Variants in EMID1 observed in about 807,000 individuals in gnomAD.
EMID1 encodes the protein EMI domain-containing protein 1.
Under a neutral mutation model 60.6 loss-of-function variants are expected in EMID1, and 40 were observed. The ratio of observed to expected loss-of-function variants is 0.66; its 90% confidence interval spans 0.51 to 0.86. The LOEUF (loss-of-function observed/expected upper bound fraction) is 0.86. Among genes scored for constraint, EMID1 ranks in the 40% least tolerant of loss-of-function variants. EMID1 has a pLI of 0.00. For missense variants in EMID1, 585 were observed against 597.1 expected, an observed-to-expected ratio of 0.98 and a Z score of 0.21; for synonymous variants, 242 against 231.0, an observed-to-expected ratio of 1.05 and a Z score of -0.43.
At position 29,231,668 on chromosome 22, in the gene EMID1, T is replaced by C; in HGVS notation, c.662T>C (p.Met221Thr). 2 of 1,469,546 alleles carry C rather than the reference T, an allele frequency of 1.4e-6. No individual in the cohort carries two copies. Among genetic ancestry groups the C allele is most frequent in the Non-Finnish European group, 1.8e-6 (2 of 1,106,096 alleles). 91.0% of individuals were successfully genotyped at this position (1,469,546 alleles called of 1,614,324 possible). A position where few individuals can be genotyped will look rare whatever the true frequency, so the allele number is the denominator to read the frequency against. ...GDAGSRGPMG[M>T]RGPPGPQGPP... ...GCCGGCAGTCGGGGCCCAATGGGGA[T>C]GAGAGGCCCACCAGGTGAGTGCCCG... is the stretch of plus-strand genomic sequence containing the variant. The change falls in exon 7 of 15, where the codon ATG becomes ACG. Residue 221 changes from methionine to threonine, a missense_variant. Met to Thr is a moderately conservative substitution (Grantham distance 81). Transcript: ENST00000334018.
At chr22:29,216,049 C>G (rs999579815) in intron 3 of EMID1, among the ~76,000 whole-genome samples, 15 of 152,124 alleles carry the variant, frequency 9.9e-5, no homozygotes, top group African/African-American at 3.6e-4. Context: ...GAAACCGAGG[C>G]TCAGGAAGGG....
chr22:29,215,609 T>G lies in EMID1; in HGVS notation c.298T>G (p.Ser100Ala). 1 of 1,614,028 alleles carries G rather than the reference T, an allele frequency of 6.2e-7. No homozygotes were observed. Among genetic ancestry groups the G allele is most frequent in the Non-Finnish European group, 8.5e-7 (1 of 1,179,940 alleles). The stretch of plus-strand genomic sequence containing the variant: ...TGAGTGGAGGTGCTGCCCTGGGCAC[T>G]CAGGAGTGAGCTGCGAGGAAGGTAG... ...AREWRCCPGH[S>A]GVSCEEVAAS... is the part of the protein sequence containing the mutation. Residue 100 changes from serine (S) to alanine (A), a missense_variant, in exon 3 of 15, where the codon TCA becomes GCA. Transcript: ENST00000334018.
chr22:29,231,252 G>T, intron 6 of EMID1, 112 bp downstream of exon 6: 1 of 1,428,362 alleles, frequency 7.0e-7, no homozygotes, highest in Non-Finnish European at 9.3e-7. Context: ...CCTCTAGTGG[G>T]CCTCAGTCTT....
At chr22:29,210,188 C>G (rs1362067430) in intron 1 of EMID1, among the ~76,000 whole-genome samples, 1 of 151,884 alleles carries the variant, frequency 6.6e-6, no homozygotes, top group Non-Finnish European at 1.5e-5. Context: ...CTCCATGTCT[C>G]CTAAGGAGAG....
intron 13 of EMID1, among the ~76,000 whole-genome samples, chr22:29,248,816 G>A (rs986674483): frequency 1.0e-5 from 1 of 97,988 alleles, no homozygotes; most frequent in Non-Finnish European, 2.4e-5. Flanking sequence ...ACTCCAACCT[G>A]GGCGACAGAG....
intron 13 of EMID1, among the ~76,000 whole-genome samples, chr22:29,253,441 G>T (rs554410237): frequency 1.3e-5 from 2 of 152,254 alleles, no homozygotes; most frequent in South Asian, 4.1e-4. Context: ...AGTTAGCTGG[G>T]TGTGGTGGTG....
At chr22:29,215,398 A>G in intron 2 of EMID1, 129 bp from the exon 3 acceptor site, 2 of 1,258,078 alleles carry the variant, frequency 1.6e-6, no homozygotes, top group South Asian at 1.5e-5. Flanking sequence ...TGCAGGAGAG[A>G]GCCTCCAAAG....
intron 12 of EMID1, among the ~76,000 whole-genome samples, chr22:29,240,746 T>A (rs1310913914): frequency 6.6e-6 from 1 of 152,260 alleles, no homozygotes; most frequent in Non-Finnish European, 1.5e-5. Flanking sequence ...GTTTCTTTGT[T>A]TGATCACCAG....
intron 5 of EMID1, among the ~76,000 whole-genome samples, chr22:29,229,324 G>A (rs1371237537): frequency 1.3e-5 from 2 of 151,810 alleles, no homozygotes; most frequent in Non-Finnish European, 2.9e-5. Context: ...GGACGGCAGA[G>A]CTAGACCCTG....
Position 29,234,353 on chromosome 22 carries a change from A to G in EMID1, c.1074+4A>G, listed in dbSNP as rs373189615. 8.1e-5 allele frequency: 130 copies of G among 1,613,080 alleles called. No homozygotes were observed. The highest frequency in any genetic ancestry group is 1.1e-4 in the Non-Finnish European group (124 of 1,179,762). Reference sequence around the variant, plus strand: ...CCAAGGCTCTGCTGGGCAGCGGGTAAGTGTTGCTGTCTGTCCCGCATTCAT... The same window carrying G: ...CCAAGGCTCTGCTGGGCAGCGGGTAGGTGTTGCTGTCTGTCCCGCATTCAT... On this transcript the variant is annotated splice_donor_region_variant and intron_variant, in intron 12 of 14. Coordinates refer to ENST00000334018, the MANE Select transcript of EMID1 (RefSeq NM_133455.4).
Position 29,206,129 on chromosome 22 carries a change from T to G in EMID1, c.91T>G (p.Ser31Ala). 8.1e-7 allele frequency: 1 copy of G among 1,230,576 alleles called. No individual in the cohort carries two copies. Among genetic ancestry groups the G allele is most frequent in the Non-Finnish European group, 1.0e-6 (1 of 986,996 alleles). 76.2% of individuals were successfully genotyped at this position (1,230,576 alleles called of 1,614,324 possible). ...GTGGAGCATCGGGGCAGCTCCGTTCTCCGGACGCAGGTAAGAGCTCCCGGC... is the reference window on the plus strand; with the variant it reads ...GTGGAGCATCGGGGCAGCTCCGTTCGCCGGACGCAGGTAAGAGCTCCCGGC... The part of the protein sequence containing the change: ...AAWSIGAAPF[S>A]GRRNWCSYVV... The change falls in exon 1 of 15, where the codon TCC becomes GCC. Residue 31 changes from serine (S) to alanine (A), a missense_variant. Physicochemically the swap from Ser to Ala is moderately conservative, Grantham distance 99 (BLOSUM62 1). Transcript: ENST00000334018.
At chr22:29,232,534 C>T in intron 8 of EMID1, 132 bp downstream of exon 8, 1 of 1,033,350 alleles carries the variant, frequency 9.7e-7, no homozygotes, top group Non-Finnish European at 1.4e-6. Context: ...ACCCAGTCCT[C>T]CAGCAGGCGC....
intron 1 of EMID1, among the ~76,000 whole-genome samples, chr22:29,206,906 G>A (rs2039682286): frequency 6.6e-6 from 1 of 152,210 alleles, no homozygotes; most frequent in Non-Finnish European, 1.5e-5. Context: ...GAAGAGCTAG[G>A]TTGCAAATCT....
chr22:29,234,374 T>C (rs1468635432), intron 12 of EMID1, 25 bp downstream of exon 12: 5 of 1,611,096 alleles, frequency 3.1e-6, no homozygotes, highest in Non-Finnish European at 3.4e-6. Context: ...CTGTCCCGCA[T>C]TCATCCCTGC....
chr22:29,231,149 C>T lies in EMID1; in HGVS notation c.586+9C>T. Reference sequence around the variant, plus strand: ...AGATGGAGGCCTCCAGGGTGAGTGTCAGACTCAGACTCCCCTGTGGGAATG... The same window carrying T: ...AGATGGAGGCCTCCAGGGTGAGTGTTAGACTCAGACTCCCCTGTGGGAATG... On this transcript the variant is annotated intron_variant, in intron 6 of 14. Transcript: ENST00000334018. 1 of 1,588,776 alleles carries T rather than the reference C, an allele frequency of 6.3e-7. No individual in the cohort carries two copies. The highest frequency in any genetic ancestry group is 1.2e-5 in the South Asian group (1 of 86,770).
At chr22:29,248,259 CTTTTTT>C (rs33924066) in intron 13 of EMID1, among the ~76,000 whole-genome samples, 144 of 116,070 alleles carry the variant, frequency 1.2e-3, no homozygotes, top group African/African-American at 4.0e-3. Flanking sequence ...GTGCCTGGCC[CTTTTTT>C]TTTTTTTTTT....
At chr22:29,221,199 G>A (rs903330213) in intron 3 of EMID1, among the ~76,000 whole-genome samples, 1 of 151,362 alleles carries the variant, frequency 6.6e-6, no homozygotes, top group African/African-American at 2.4e-5. Flanking sequence ...GGGGTTTGTG[G>A]TCCTGGGACC....
intron 14 of EMID1, among the ~76,000 whole-genome samples, chr22:29,255,016 C>T (rs1184465401): frequency 7.9e-6 from 1 of 126,266 alleles, no homozygotes; most frequent in Non-Finnish European, 1.7e-5. Context: ...CTTTAGGGGA[C>T]TAAGAGAGCC....
intron 3 of EMID1, among the ~76,000 whole-genome samples, chr22:29,220,276 A>G (rs132384): frequency 0.64 from 97,858 of 152,046 alleles, 32,756 homozygotes; most frequent in Admixed American, 0.75. Context: ...CCACATCCCC[A>G]GTGCCTGGCA....
Sources: allele counts gnomAD v4.1 joint callset (sites outside exome capture counted in the v4.1 genomes callset), GRCh38; gene constraint gnomAD v4.1.1; transcripts MANE v1.5; gene names NCBI Gene and HGNC (gene_info 2026-07-23, HGNC 2026-07-21).